Variants in MED13L observed in about 807,000 individuals in gnomAD.
MED13L encodes the protein mediator of RNA polymerase II transcription subunit 13-like.
MED13L carries 7 observed loss-of-function variants against 220.9 expected under a neutral mutation model. That is an observed-to-expected ratio of 0.03 (90% CI 0.02 to 0.06). The LOEUF is 0.06. Ranked by LOEUF, MED13L falls within the 10% of genes least tolerant of loss-of-function variation. MED13L has a pLI of 1.00. For missense variants in MED13L, 1,965 were observed against 2,760.5 expected, an observed-to-expected ratio of 0.71 and a Z score of 6.46; for synonymous variants, 1,011 against 1,015.2, an observed-to-expected ratio of 1.00 and a Z score of 0.08.
rs890526688 is a variant in MED13L at position 116,262,841 on chromosome 12, C to A, written c.72+14219G>T. ...TGGGTTGCAAAGCTCAGTTTCACAA[C>A]CTTATCACCAAATAGCAACAAAATA... On this transcript the variant is annotated intron_variant, in intron 1 of 30. Transcript: ENST00000281928. Among the ~76,000 whole-genome samples, 11 of 152,292 alleles carry A rather than the reference C, an allele frequency of 7.2e-5. No individual in the cohort carries two copies. In the South Asian group the frequency reaches 1.5e-3, roughly 20 times the overall value.
At chr12:116,266,694 G>C (rs1872858292) in intron 1 of MED13L, among the ~76,000 whole-genome samples, 1 of 152,224 alleles carries the variant, frequency 6.6e-6, no homozygotes, top group Non-Finnish European at 1.5e-5. Context: ...TGTAGCAAGA[G>C]ATGGGAGTTT....
chr12:115,985,878 C>A (rs1020265781), intron 19 of MED13L, among the ~76,000 whole-genome samples: 1 of 152,114 alleles, frequency 6.6e-6, no homozygotes, highest in African/African-American at 2.4e-5. Flanking sequence ...ACCTACTCAC[C>A]CTGTCCCTCA....
intron 2 of MED13L, among the ~76,000 whole-genome samples, chr12:116,122,285 G>A (rs1038466567): frequency 6.6e-6 from 1 of 152,046 alleles, no homozygotes; most frequent in Non-Finnish European, 1.5e-5. Context: ...AGTAACAAAG[G>A]AGCACAATGC....
At chr12:116,086,230 C>T (rs890859602) in intron 4 of MED13L, among the ~76,000 whole-genome samples, 3 of 151,918 alleles carry the variant, frequency 2.0e-5, no homozygotes, top group Non-Finnish European at 4.4e-5. Flanking sequence ...GGAGGCAGCT[C>T]CACAGTTTCC....
At chr12:116,241,344 ACACAC>A (rs1565945147) in intron 1 of MED13L, among the ~76,000 whole-genome samples, 9 of 146,476 alleles carry the variant, frequency 6.1e-5, no homozygotes, top group Non-Finnish European at 9.0e-5. Flanking sequence ...AAAAAAAAAC[ACACAC>A]ACACACACAC....
At chr12:116,106,664 G>A (rs1162704862) in intron 3 of MED13L, among the ~76,000 whole-genome samples, 1 of 152,088 alleles carries the variant, frequency 6.6e-6, no homozygotes, top group African/African-American at 2.4e-5. Flanking sequence ...GGCCAACATG[G>A]TGATACCCCA....
At chr12:116,208,863 G>A (rs563120712) in intron 2 of MED13L, among the ~76,000 whole-genome samples, 7 of 152,136 alleles carry the variant, frequency 4.6e-5, no homozygotes, top group East Asian at 1.9e-4. Flanking sequence ...TAGCTACTTC[G>A]GAGGCTGAGA....
At chr12:116,226,309 A>G (rs771465593) in intron 2 of MED13L, among the ~76,000 whole-genome samples, 4 of 152,190 alleles carry the variant, frequency 2.6e-5, no homozygotes, top group Non-Finnish European at 5.9e-5. Context: ...CCAAATCCCA[A>G]TATGAAACTG....
At chr12:116,167,310 G>A (rs1879353591) in intron 2 of MED13L, among the ~76,000 whole-genome samples, 1 of 152,130 alleles carries the variant, frequency 6.6e-6, no homozygotes, top group Non-Finnish European at 1.5e-5. Context: ...AATACAAGCA[G>A]TTTAAACAAC....
chr12:116,098,983 G>A (rs1397621614), intron 3 of MED13L, among the ~76,000 whole-genome samples: 1 of 152,062 alleles, frequency 6.6e-6, no homozygotes, highest in Non-Finnish European at 1.5e-5. Flanking sequence ...TTAATACCAA[G>A]TTTCTGCAAT....
chr12:116,131,194 T>C (rs1876037641), intron 2 of MED13L, among the ~76,000 whole-genome samples: 1 of 152,178 alleles, frequency 6.6e-6, no homozygotes, highest in Non-Finnish European at 1.5e-5. Context: ...ACTAGTTCAA[T>C]TCTAATGCTT....
chr12:116,208,991 A>C (rs903450864), intron 2 of MED13L, among the ~76,000 whole-genome samples: 24 of 151,878 alleles, frequency 1.6e-4, no homozygotes, highest in Non-Finnish European at 3.4e-4. Context: ...TAAATAAAGC[A>C]CCAGGGAAAA....
rs937533620 is a variant in MED13L, at chr12:116,032,919, G to A, written c.480-10318C>T. 5.3e-5 allele frequency among the ~76,000 whole-genome samples: 8 copies of A among 152,172 alleles called. No homozygotes were observed. In the South Asian group the frequency reaches 1.0e-3, roughly 20 times the overall value. On this transcript the variant is annotated intron_variant, in intron 4 of 30. Transcript: ENST00000281928. ...AGACAAGGAGAAAGGAAAAGAAGAC[G>A]GATGGGAGAGGAAATGATGGTAGAG...
intron 1 of MED13L, among the ~76,000 whole-genome samples, chr12:116,262,627 C>T (rs567276724): frequency 1.5e-3 from 229 of 152,322 alleles, no homozygotes; most frequent in African/African-American, 5.4e-3. Flanking sequence ...ACACAAGCTA[C>T]TCATCTTAAC....
chr12:116,048,446 G>T (rs949373521), intron 4 of MED13L, among the ~76,000 whole-genome samples: 5 of 152,180 alleles, frequency 3.3e-5, no homozygotes, highest in Admixed American at 2.0e-4. Context: ...AGGGCAAGGA[G>T]AGGGGAGTCA....
Position 115,959,205 on chromosome 12 carries a change from T to A in MED13L, c.*2061A>T, listed in dbSNP as rs1348742448. 6.6e-6 allele frequency: 1 copy of A among 152,562 alleles called. No homozygotes were observed. The highest frequency in any genetic ancestry group is 1.5e-5 in the Non-Finnish European group (1 of 68,026). 9.5% of individuals were successfully genotyped at this position (152,562 alleles called of 1,614,324 possible). Reference sequence around the variant, plus strand: ...ATTTTTGCACAAAAACGTATAAATATGTCACCAGCTTTTCTTAACTTAAAA... The same window carrying A: ...ATTTTTGCACAAAAACGTATAAATAAGTCACCAGCTTTTCTTAACTTAAAA... On this transcript the variant is annotated 3_prime_UTR_variant, in exon 31 of 31. Coordinates refer to ENST00000281928, the MANE Select transcript of MED13L (RefSeq NM_015335.5).
intron 4 of MED13L, among the ~76,000 whole-genome samples, chr12:116,038,744 C>CAAAAAAAAAAAAAAAAAAAA (rs63703461): frequency 1.5e-4 from 11 of 75,262 alleles, no homozygotes; most frequent in African/African-American, 6.0e-4. Context: ...GTCAAAAGGC[C>CAAAAAAAAAAAAAAAAAAAA]AAAAAAAAAA....
At chr12:116,036,238 GAT>G (rs1881188039) in intron 4 of MED13L, among the ~76,000 whole-genome samples, 1 of 152,106 alleles carries the variant, frequency 6.6e-6, no homozygotes, top group Admixed American at 6.5e-5. Context: ...AAGAACAACT[GAT>G]ATACACAGTG....
chr12:116,035,696 T>C (rs1881149283), intron 4 of MED13L, among the ~76,000 whole-genome samples: 1 of 152,076 alleles, frequency 6.6e-6, no homozygotes, highest in African/African-American at 2.4e-5. Flanking sequence ...GATCCAGCGA[T>C]TCTCCCACCT....
Sources: allele counts gnomAD v4.1 joint callset (sites outside exome capture counted in the v4.1 genomes callset), GRCh38; gene constraint gnomAD v4.1.1; transcripts MANE v1.5; gene names NCBI Gene and HGNC (gene_info 2026-07-23, HGNC 2026-07-21).